Variants in KCNQ1 observed in about 807,000 individuals in gnomAD.
KCNQ1 encodes the protein potassium voltage-gated channel subfamily Q member 1.
KCNQ1 carries 49 observed loss-of-function variants against 72.4 expected under a neutral mutation model. The observed-to-expected ratio is 0.68, with a 90% CI of 0.54 to 0.86. The LOEUF is 0.86. Ranked by LOEUF, KCNQ1 falls within the 40% of genes least tolerant of loss-of-function variation. The pLI is 0.00. For missense variants in KCNQ1, 790 were observed against 945.1 expected, an observed-to-expected ratio of 0.84 and a Z score of 2.15; for synonymous variants, 450 against 412.6, an observed-to-expected ratio of 1.09 and a Z score of -1.10.
rs1846206226 is a variant in KCNQ1 at position 2,457,035 on chromosome 11, AAC to A, written c.386+11555_386+11556del. 6.6e-6 allele frequency among the ~76,000 whole-genome samples: 1 copy of A among 152,188 alleles called. No homozygotes were observed. Among genetic ancestry groups the A allele is most frequent in the Admixed American group, 6.5e-5 (1 of 15,286 alleles). On this transcript the variant is annotated intron_variant, in intron 1 of 15. Coordinates refer to ENST00000155840, the MANE Select transcript of KCNQ1 (RefSeq NM_000218.3). The surrounding 1 kb of genome is among the most constrained non-coding windows in gnomAD (Gnocchi z 5.0). The stretch of plus-strand genomic sequence containing the variant: ...TAAAAAGAAGACATACAAACAGTCA[AAC>A]ACATGAAAAAATGCTCATCACTGAT...
chr11:2,667,831 A>C (rs987383164), intron 11 of KCNQ1: 11 of 398,604 alleles, frequency 2.8e-5, no homozygotes, highest in African/African-American at 2.1e-4. Flanking sequence ...GTGGTGTTAA[A>C]CTTTTAGTTA....
At chr11:2,840,931 C>T (rs375582636) in intron 15 of KCNQ1, among the ~76,000 whole-genome samples, 13 of 152,280 alleles carry the variant, frequency 8.5e-5, no homozygotes, top group East Asian at 3.9e-4. Context: ...ATTTGTGCAG[C>T]GCCAACTCTA....
chr11:2,845,350 T>A (rs963262145), intron 15 of KCNQ1, among the ~76,000 whole-genome samples: 1 of 152,136 alleles, frequency 6.6e-6, no homozygotes, highest in Non-Finnish European at 1.5e-5. Context: ...TTTCAGCCAG[T>A]GACTCTGACC....
At position 2,624,375 on chromosome 11, in the gene KCNQ1, A is replaced by G. The variant is rs1384632609; in HGVS notation, c.1393+35521A>G. 2 of 398,354 alleles carry G rather than the reference A, an allele frequency of 5.0e-6. No homozygotes were observed. The highest frequency in any genetic ancestry group is 2.1e-5 in the African/African-American group (1 of 48,608). The allele number at this position is 398,354 out of a possible 1,614,324, so 24.7% of individuals were successfully genotyped here. ...TCTCCCTTCTGTGGCCTGTCCTTTC[A>G]TCCTCTTGACAGTATGTTTTACAGA... On this transcript the variant is annotated intron_variant, in intron 10 of 15. Transcript: ENST00000155840. This position sits in a 1 kb window ranked among gnomAD's most constrained non-coding sequence, Gnocchi z 4.9.
rs542435189 is a variant in KCNQ1 at position 2,549,742 on chromosome 11, G to T, written c.478-20886G>T. ...AGGCCTGGTGTGGGGGTGCCTGGGG[G>T]GCAGTGGACGTGAGCAGCAGCACGT... On this transcript the variant is annotated intron_variant, in intron 2 of 15. Coordinates refer to ENST00000155840, the MANE Select transcript of KCNQ1 (RefSeq NM_000218.3). This position sits in a 1 kb window ranked among gnomAD's most constrained non-coding sequence, Gnocchi z 6.2. 2.6e-5 allele frequency among the ~76,000 whole-genome samples: 4 copies of T among 152,070 alleles called. No individual in the cohort carries two copies. Among genetic ancestry groups the T allele is most frequent in the Admixed American group, 6.5e-5 (1 of 15,276 alleles).
At chr11:2,643,823 T>C in intron 10 of KCNQ1, 1 of 398,628 alleles carries the variant, frequency 2.5e-6, no homozygotes, top group Non-Finnish European at 4.4e-6. Flanking sequence ...AGGGAAATAC[T>C]TTATTTCTCC....
chr11:2,450,868 G>C lies in KCNQ1; in HGVS notation c.386+5384G>C, dbSNP rs1846111052. Among the ~76,000 whole-genome samples the C allele has an allele frequency of 6.6e-6, 1 of 152,180 alleles. No individual in the cohort carries two copies. The highest frequency in any genetic ancestry group is 1.5e-5 in the Non-Finnish European group (1 of 68,026). On this transcript the variant is annotated intron_variant, in intron 1 of 15. Transcript: ENST00000155840. This position sits in a 1 kb window ranked among gnomAD's most constrained non-coding sequence, Gnocchi z 7.9. ...GATAGGGTGTGGCTTCTGCTGCCTGGCCCAGCCCTCTTCTGGGAGCCCCAC... is the reference window on the plus strand; with the variant it reads ...GATAGGGTGTGGCTTCTGCTGCCTGCCCCAGCCCTCTTCTGGGAGCCCCAC...
Position 2,544,611 on chromosome 11 carries a change from A to G in KCNQ1, c.477+16593A>G, listed in dbSNP as rs920343511. 1.9e-4 allele frequency among the ~76,000 whole-genome samples: 29 copies of G among 152,248 alleles called. No individual in the cohort carries two copies. The highest frequency in any genetic ancestry group is 6.5e-4 in the African/African-American group (27 of 41,554). On this transcript the variant is annotated intron_variant, in intron 2 of 15. Coordinates refer to ENST00000155840, the MANE Select transcript of KCNQ1 (RefSeq NM_000218.3). This position sits in a 1 kb window ranked among gnomAD's most constrained non-coding sequence, Gnocchi z 4.4. Reference sequence around the variant, plus strand: ...TTTCATATTTTTTATGCTATGGTCAATGGTATTTCTTCTAATCTAGAACTG... The same window carrying G: ...TTTCATATTTTTTATGCTATGGTCAGTGGTATTTCTTCTAATCTAGAACTG...
At chr11:2,455,125 TCTCA>T (rs1846168821) in intron 1 of KCNQ1, among the ~76,000 whole-genome samples, 1 of 145,886 alleles carries the variant, frequency 6.9e-6, no homozygotes, top group African/African-American at 2.6e-5. Context: ...TGAGATGGAG[TCTCA>T]CTCTGTCACC....
intron 15 of KCNQ1, among the ~76,000 whole-genome samples, chr11:2,839,437 C>T (rs577961897): frequency 1.3e-5 from 2 of 152,354 alleles, no homozygotes; most frequent in South Asian, 4.1e-4. Context: ...CTGGCACAAA[C>T]GTCAGCCCCA....
chr11:2,506,234 T>C lies in KCNQ1; in HGVS notation c.387-21694T>C, dbSNP rs912281980. Among the ~76,000 whole-genome samples, 19 of 152,210 alleles carry C rather than the reference T, an allele frequency of 1.2e-4. 1 individual carries two copies. Among genetic ancestry groups the C allele is most frequent in the Non-Finnish European group, 2.5e-4 (17 of 68,036 alleles). On this transcript the variant is annotated intron_variant, in intron 1 of 15. Coordinates refer to ENST00000155840, the MANE Select transcript of KCNQ1 (RefSeq NM_000218.3). Reference sequence around the variant, plus strand: ...ATACCTTTGACCCATATTGAGTTAATTTTTTATATCCAGCTTTATTCTTTT... The same window carrying C: ...ATACCTTTGACCCATATTGAGTTAACTTTTTATATCCAGCTTTATTCTTTT...
At chr11:2,841,010 A>G (rs1848198153) in intron 15 of KCNQ1, among the ~76,000 whole-genome samples, 1 of 152,226 alleles carries the variant, frequency 6.6e-6, no homozygotes, top group Non-Finnish European at 1.5e-5. Context: ...TCTAGGGTTA[A>G]GACGGTGACT....
Position 2,766,039 on chromosome 11 carries a change from C to T in KCNQ1, c.1515-2805C>T, listed in dbSNP as rs1055413401. On this transcript the variant is annotated intron_variant, in intron 11 of 15. Coordinates refer to ENST00000155840, the MANE Select transcript of KCNQ1 (RefSeq NM_000218.3). The surrounding 1 kb of genome is among the most constrained non-coding windows in gnomAD (Gnocchi z 4.4). ...TCACAGCTATTCTTTTCTACTCTGT[C>T]GTCCCTGCTATCCAACTCACCTATT... is the stretch of plus-strand genomic sequence containing the variant. Among the ~76,000 whole-genome samples the T allele has an allele frequency of 2.0e-5, 3 of 152,120 alleles. No individual in the cohort carries two copies. The highest frequency in any genetic ancestry group is 6.5e-5 in the Admixed American group (1 of 15,270).
chr11:2,503,317 C>T lies in KCNQ1; in HGVS notation c.387-24611C>T, dbSNP rs74516435. On this transcript the variant is annotated intron_variant, in intron 1 of 15. Transcript: ENST00000155840. The stretch of plus-strand genomic sequence containing the variant: ...AGAATATGTAAGGAGCTCAAACAAC[C>T]GCACAAGGAAAACATCTAATAATCC... Among the ~76,000 whole-genome samples, 699 of 152,200 alleles carry T rather than the reference C, an allele frequency of 4.6e-3. 8 individuals carry two copies. The highest frequency in any genetic ancestry group is 0.016 in the African/African-American group (672 of 41,514).
chr11:2,514,949 C>T (rs569159533), intron 1 of KCNQ1, among the ~76,000 whole-genome samples: 8 of 152,214 alleles, frequency 5.3e-5, no homozygotes, highest in Admixed American at 1.3e-4. Context: ...CTGAGGCCTT[C>T]GCTGTCCTTC....
chr11:2,739,316 G>A (rs1403441917), intron 11 of KCNQ1, among the ~76,000 whole-genome samples: 1 of 152,184 alleles, frequency 6.6e-6, no homozygotes, highest in East Asian at 1.9e-4. Context: ...AGCCACAGAT[G>A]ACAGGTGGCA....
intron 10 of KCNQ1, chr11:2,629,279 T>C (rs1171284175): frequency 1.0e-5 from 4 of 398,292 alleles, no homozygotes; most frequent in Non-Finnish European, 1.8e-5. Flanking sequence ...CAATGTTTCA[T>C]AGTTTTCAGT....
At chr11:2,531,170 ACGTGCCCTGGGCTC>A (rs1290136452) in intron 2 of KCNQ1, among the ~76,000 whole-genome samples, 3 of 142,196 alleles carry the variant, frequency 2.1e-5, no homozygotes, top group African/African-American at 8.3e-5. Flanking sequence ...GGACCTTCAG[ACGTGCCCTGGGCTC>A]CACATGCCCG....
chr11:2,590,404 G>A (rs909862094), intron 10 of KCNQ1, among the ~76,000 whole-genome samples: 2 of 152,230 alleles, frequency 1.3e-5, no homozygotes, highest in African/African-American at 2.4e-5. Flanking sequence ...CCCCGTCCCA[G>A]GGCGTGGTCC....
Sources: allele counts gnomAD v4.1 joint callset (sites outside exome capture counted in the v4.1 genomes callset), GRCh38; gene constraint gnomAD v4.1.1; non-coding constraint Gnocchi (gnomAD v3.1); transcripts MANE v1.5; gene names NCBI Gene and HGNC (gene_info 2026-07-23, HGNC 2026-07-21).